Variants in MAOB observed in about 807,000 individuals in gnomAD.
MAOB encodes the protein amine oxidase [flavin-containing] B.
Under a neutral mutation model 41.9 loss-of-function variants are expected in MAOB, and 15 were observed. The observed-to-expected ratio is 0.36, with a 90% CI of 0.24 to 0.55. The LOEUF (loss-of-function observed/expected upper bound fraction) is 0.55. Among genes scored for constraint, MAOB ranks in the 20% least tolerant of loss-of-function variants. The probability of loss-of-function intolerance (pLI) is 0.86; values close to 1 mark genes in which losing one functional copy is unlikely to be tolerated. For synonymous variants in MAOB, 167 were observed against 144.2 expected (o/e 1.16, Z -1.13); for missense variants, 345 against 398.7 (o/e 0.87, Z 1.15).
intron 11 of MAOB, among the ~76,000 whole-genome samples, chrX:43,777,575 C>G (rs758852476): frequency 9.0e-6 from 1 of 111,299 alleles, no homozygotes; most frequent in Non-Finnish European, 1.9e-5. Flanking sequence ...ACAAAAATGA[C>G]AAATTTGAAA....
rs2034488315 is a variant in MAOB, at chrX:43,793,523, T to C, written c.824A>G (p.Asn275Ser). 3 of 1,202,823 alleles carry C rather than the reference T, an allele frequency of 2.5e-6. No homozygotes were observed. The highest frequency in any genetic ancestry group is 3.4e-6 in the Non-Finnish European group (3 of 888,626). ...PPTLGMKIHFNPPLPMMRNQM... is the reference protein window; with the variant it reads ...PPTLGMKIHFSPPLPMMRNQM... Reference sequence around the variant, plus strand: ...GTTTCTCATCATTGGCAGAGGGGGATTGAAGTGAATCTTCATGCCCAGAGT... The same window carrying C: ...GTTTCTCATCATTGGCAGAGGGGGACTGAAGTGAATCTTCATGCCCAGAGT... The change falls in exon 8 of 15, where the codon AAT (asparagine) becomes AGT (serine). Residue 275 changes from asparagine to serine, a missense_variant. Coordinates refer to ENST00000378069, the MANE Select transcript of MAOB (RefSeq NM_000898.5).
chrX:43,836,023 A>AAT (rs1440061511), intron 3 of MAOB, among the ~76,000 whole-genome samples: 2 of 111,936 alleles, frequency 1.8e-5, no homozygotes, highest in African/African-American at 6.5e-5. Context: ...CAGATTAAGA[A>AAT]ATACATGCAT....
At chrX:43,826,087 C>T (rs2034942592) in intron 3 of MAOB, among the ~76,000 whole-genome samples, 1 of 112,257 alleles carries the variant, frequency 8.9e-6, no homozygotes, top group African/African-American at 3.2e-5. Context: ...CCCCAGATAA[C>T]ACATAAGCTC....
chrX:43,844,329 A>G (rs1024790877), intron 1 of MAOB: 3 of 112,232 alleles, frequency 2.7e-5, no homozygotes, highest in African/African-American at 9.7e-5. Context: ...TCCATTCATG[A>G]CTAATTTAAT....
Position 43,797,128 on chromosome X carries a change from T to C in MAOB, c.615A>G (p.Gly205=). The part of the protein sequence containing the change: ...TTRIISTTNG[G]QERKFVGGSG... ...CTGTGGAAGAATGGATGGGTACCTG[T>C]CCTCCATTTGTTGTCGAGATGATTC... Residue 205 remains glycine, a synonymous_variant, in exon 6 of 15, where the codon GGA becomes GGG. Transcript: ENST00000378069. The C allele has an allele frequency of 8.3e-7, 1 of 1,206,702 alleles. No individual in the cohort carries two copies. Among genetic ancestry groups the C allele is most frequent in the Non-Finnish European group, 1.1e-6 (1 of 892,849 alleles).
intron 12 of MAOB, among the ~76,000 whole-genome samples, chrX:43,770,952 C>T (rs988932307): frequency 9.0e-6 from 1 of 111,123 alleles, no homozygotes; most frequent in African/African-American, 3.3e-5. Flanking sequence ...CATCCTGTCT[C>T]ATGGTTCTCT....
chrX:43,869,755 C>A (rs910050507), intron 1 of MAOB, among the ~76,000 whole-genome samples: 2 of 112,108 alleles, frequency 1.8e-5, no homozygotes, highest in African/African-American at 6.5e-5. Context: ...AATGTTGCAA[C>A]TCATTTAAAA....
In MAOB at chrX:43,845,541, G is replaced by A. The variant is rs1176443858; in HGVS notation, c.47-1777C>T. Among the ~76,000 whole-genome samples the A allele has an allele frequency of 6.9e-4, 77 of 111,876 alleles. 4 individuals carry two copies. ...ATCGAAGCCCAAAGAGATGACCAAG[G>A]TCGCATAAGGAGTAGGTGACAAAGC... On this transcript the variant is annotated intron_variant, in intron 1 of 14. Transcript: ENST00000378069.
At chrX:43,832,514 A>G (rs2035029975) in intron 3 of MAOB, among the ~76,000 whole-genome samples, 1 of 111,597 alleles carries the variant, frequency 9.0e-6, no homozygotes. Context: ...ACTCAATGTG[A>G]AGATGATGAG....
chrX:43,882,114 C>G, intron 1 of MAOB, 140 bp downstream of exon 1: 17 of 1,037,387 alleles, frequency 1.6e-5, no homozygotes, highest in Non-Finnish European at 2.1e-5. Flanking sequence ...CGCTCTGGAC[C>G]CACTAGAGCC....
chrX:43,802,098 C>G, intron 5 of MAOB, 74 bp downstream of exon 5: 1 of 837,762 alleles, frequency 1.2e-6, no homozygotes, highest in Non-Finnish European at 1.7e-6. Flanking sequence ...TTGTCCCATA[C>G]TTGTTGAACG....
In MAOB at chrX:43,778,574, G is replaced by A. The variant is rs190147199; in HGVS notation, c.1137+108C>T. ...GTAGATGCCTCTGCAAATATATTGG[G>A]AAAAACATGAACTTCAGGACCCAAC... On this transcript the variant is annotated intron_variant, in intron 11 of 14. Transcript: ENST00000378069. 6.4e-5 allele frequency: 39 copies of A among 605,654 alleles called. 1 individual carries two copies. In the East Asian group the frequency reaches 1.4e-3, roughly 21 times the overall value. The allele number at this position is 605,654 out of a possible 1,213,427, so 49.9% of individuals were successfully genotyped here.
At chrX:43,875,329 C>A (rs1201017699) in intron 1 of MAOB, among the ~76,000 whole-genome samples, 1 of 111,537 alleles carries the variant, frequency 9.0e-6, no homozygotes, top group African/African-American at 3.3e-5. Context: ...CAAAACCAGG[C>A]GATCTTAACT....
At chrX:43,851,517 T>C (rs1402158434) in intron 1 of MAOB, among the ~76,000 whole-genome samples, 2 of 111,595 alleles carry the variant, frequency 1.8e-5, no homozygotes, top group Non-Finnish European at 3.8e-5. Flanking sequence ...GATGGGGATC[T>C]GAGGATGAAA....
chrX:43,776,009 G>A (rs1054627434), intron 11 of MAOB, among the ~76,000 whole-genome samples: 1 of 112,269 alleles, frequency 8.9e-6, no homozygotes, highest in African/African-American at 3.2e-5. Flanking sequence ...GCTGACTTTG[G>A]ACAGTCATTT....
At chrX:43,788,394 A>T (rs2092041) in intron 8 of MAOB, among the ~76,000 whole-genome samples, 2,338 of 111,894 alleles carry the variant, frequency 0.021, 66 homozygotes, top group South Asian at 0.18. Flanking sequence ...AACTTATATC[A>T]ACTGACAAGG....
intron 3 of MAOB, among the ~76,000 whole-genome samples, chrX:43,810,841 C>T (rs2034738268): frequency 9.0e-6 from 1 of 111,627 alleles, no homozygotes; most frequent in South Asian, 3.8e-4. Flanking sequence ...ACAAGGTACA[C>T]AGGATGCATG....
intron 3 of MAOB, among the ~76,000 whole-genome samples, chrX:43,808,951 C>T (rs1047440382): frequency 9.0e-6 from 1 of 111,050 alleles, no homozygotes; most frequent in African/African-American, 3.3e-5. Flanking sequence ...GTAATCCTCC[C>T]AAAGTGCTGG....
intron 3 of MAOB, among the ~76,000 whole-genome samples, chrX:43,822,668 A>C (rs2034896449): frequency 8.9e-6 from 1 of 112,275 alleles, no homozygotes; most frequent in Non-Finnish European, 1.9e-5. Context: ...TGAAACAATT[A>C]TTTTCAGGAG....
Sources: gnomAD v4.1 joint callset for allele counts (sites outside exome capture counted in the v4.1 genomes callset) on GRCh38, gnomAD v4.1.1 for gene constraint, MANE v1.5 for transcripts, NCBI Gene and HGNC (gene_info 2026-07-23, HGNC 2026-07-21) for gene names.